COG5: variants seen among roughly 807,000 people sequenced by gnomAD.
COG5 encodes the protein conserved oligomeric Golgi complex subunit 5.
Under a neutral mutation model 110.4 loss-of-function variants are expected in COG5, and 86 were observed. The observed-to-expected ratio is 0.78, with a 90% CI of 0.65 to 0.93. The LOEUF is 0.93. Among genes scored for constraint, COG5 ranks in the 40% least tolerant of loss-of-function variants. COG5 has a pLI of 0.00. For synonymous variants in COG5, 360 were observed against 334.6 expected, an observed-to-expected ratio of 1.08 and a Z score of -0.83; for missense variants, 1,077 against 987.0, an observed-to-expected ratio of 1.09 and a Z score of -1.22.
At chr7:107,480,670 A>C (rs1175029179) in intron 6 of COG5, among the ~76,000 whole-genome samples, 1 of 152,134 alleles carries the variant, frequency 6.6e-6, no homozygotes, top group East Asian at 1.9e-4. Context: ...CGAAAAAGCA[A>C]AAGACACCCC....
At chr7:107,534,761 G>A (rs566862001) in intron 5 of COG5, among the ~76,000 whole-genome samples, 22 of 151,446 alleles carry the variant, frequency 1.5e-4, no homozygotes, top group Admixed American at 2.6e-4. Context: ...TCAGATCAAC[G>A]AAACAGAAAA....
chr7:107,535,125 A>G (rs1177883452), intron 5 of COG5, among the ~76,000 whole-genome samples: 1 of 151,644 alleles, frequency 6.6e-6, no homozygotes, highest in Non-Finnish European at 1.5e-5. Flanking sequence ...AACCAATGAG[A>G]ACAAAGACAC....
intron 5 of COG5, among the ~76,000 whole-genome samples, chr7:107,541,823 C>T (rs1802061601): frequency 6.6e-6 from 1 of 150,746 alleles, no homozygotes; most frequent in Non-Finnish European, 1.5e-5. Flanking sequence ...CCCAGCTACT[C>T]AGGAGGCTGA....
intron 14 of COG5, among the ~76,000 whole-genome samples, chr7:107,272,595 T>C (rs1804368141): frequency 6.6e-6 from 1 of 152,218 alleles, no homozygotes; most frequent in South Asian, 2.1e-4. Context: ...ATTTTTGTTT[T>C]CATAAAACTT....
chr7:107,489,027 GAA>G, intron 6 of COG5, among the ~76,000 whole-genome samples: 1 of 152,158 alleles, frequency 6.6e-6, no homozygotes, highest in East Asian at 1.9e-4. Context: ...AATGTTCCTT[GAA>G]AAAGTTTTTC....
intron 6 of COG5, among the ~76,000 whole-genome samples, chr7:107,419,890 G>A (rs1793156673): frequency 6.6e-6 from 1 of 152,052 alleles, no homozygotes. Flanking sequence ...TTTTAAATGG[G>A]AAGATAACCA....
At chr7:107,274,290 C>T (rs949690125) in intron 14 of COG5, among the ~76,000 whole-genome samples, 2 of 152,032 alleles carry the variant, frequency 1.3e-5, no homozygotes, top group Non-Finnish European at 1.5e-5. Flanking sequence ...GGCAACATAG[C>T]GAAACCCTGT....
rs1284037163 is a variant in COG5, at chr7:107,409,518, T to C, written c.669+2984A>G. 3.3e-5 allele frequency among the ~76,000 whole-genome samples: 5 copies of C among 151,840 alleles called. No homozygotes were observed. The East Asian group carries it at 7.7e-4, about 23-fold the overall frequency. ...AGTAAGAGCAGCTTATTCTTCCAAA[T>C]AGTTTGAAGTAAACAGACTAGGAAA... On this transcript the variant is annotated intron_variant, in intron 7 of 21. Coordinates refer to ENST00000297135, the MANE Select transcript of COG5 (RefSeq NM_006348.5).
chr7:107,499,112 G>A (rs952087784), intron 6 of COG5, among the ~76,000 whole-genome samples: 1 of 152,104 alleles, frequency 6.6e-6, no homozygotes, highest in African/African-American at 2.4e-5. Flanking sequence ...GCATGGAAGC[G>A]AATAATGGAA....
intron 10 of COG5, among the ~76,000 whole-genome samples, chr7:107,359,766 G>C (rs985071090): frequency 1.3e-5 from 2 of 151,170 alleles, no homozygotes; most frequent in Non-Finnish European, 3.0e-5. Flanking sequence ...ACAAACAACG[G>C]GATGACCTGC....
chr7:107,269,967 G>C (rs946658574), intron 14 of COG5, among the ~76,000 whole-genome samples: 1 of 152,168 alleles, frequency 6.6e-6, no homozygotes, highest in Admixed American at 6.5e-5. Flanking sequence ...GTATTCAAGA[G>C]TCCACGCTTA....
chr7:107,209,984 G>A, intron 21 of COG5: 2 of 991,266 alleles, frequency 2.0e-6, no homozygotes, highest in Non-Finnish European at 2.4e-6. Flanking sequence ...CCCTGGGCAT[G>A]GTTGGGGTAC....
chr7:107,266,764 T>C lies in COG5; in HGVS notation c.1576-8381A>G, dbSNP rs183277559. Among the ~76,000 whole-genome samples the C allele has an allele frequency of 3.4e-4, 52 of 152,324 alleles. 1 individual carries two copies. In the East Asian group the frequency reaches 9.1e-3, roughly 27 times the overall value. Reference sequence around the variant, plus strand: ...ATGTTAAAGCCGGGAGACTTTCCTATGAGTTATGTGTGTGTGCTTTAGTAT... The same window carrying C: ...ATGTTAAAGCCGGGAGACTTTCCTACGAGTTATGTGTGTGTGCTTTAGTAT... On this transcript the variant is annotated intron_variant, in intron 14 of 21. Coordinates refer to ENST00000297135, the MANE Select transcript of COG5 (RefSeq NM_006348.5).
chr7:107,209,325 G>C, intron 21 of COG5: 1 of 605,140 alleles, frequency 1.7e-6, no homozygotes, highest in Non-Finnish European at 2.1e-6. Context: ...TTAGGTGATT[G>C]TGACCTCCCA....
At chr7:107,407,328 G>A (rs1158809627) in intron 7 of COG5, among the ~76,000 whole-genome samples, 3 of 152,170 alleles carry the variant, frequency 2.0e-5, no homozygotes, top group Non-Finnish European at 4.4e-5. Flanking sequence ...GTTTCAGTGA[G>A]CCGAGATCGT....
intron 6 of COG5, among the ~76,000 whole-genome samples, chr7:107,415,342 G>GA (rs1792643270): frequency 1.3e-5 from 2 of 152,112 alleles, no homozygotes; most frequent in South Asian, 4.1e-4. Context: ...ATAATTAGCT[G>GA]AAAAAGACTG....
Position 107,540,588 on chromosome 7 carries a change from TA to T in COG5, c.417+7522del, listed in dbSNP as rs1466587351. Among the ~76,000 whole-genome samples the T allele has an allele frequency of 7.8e-5, 11 of 140,678 alleles. No individual in the cohort carries two copies. In the East Asian group the frequency reaches 2.0e-3, roughly 26 times the overall value. 92.3% of individuals were successfully genotyped at this position (140,678 alleles called of 152,430 possible). ...GCAAGGCCCTGTCTCAAAAAATAAA[TA>T]AATAAATAAAAATTAAAATTAAATA... On this transcript the variant is annotated intron_variant, in intron 5 of 21. Coordinates refer to ENST00000297135, the MANE Select transcript of COG5 (RefSeq NM_006348.5).
At chr7:107,383,797 T>A (rs1815334517) in intron 7 of COG5, among the ~76,000 whole-genome samples, 1 of 152,178 alleles carries the variant, frequency 6.6e-6, no homozygotes, top group Non-Finnish European at 1.5e-5. Context: ...CCTTCTTTTT[T>A]CTTTCTTCTC....
intron 6 of COG5, among the ~76,000 whole-genome samples, chr7:107,478,824 T>G (rs1797142796): frequency 6.6e-6 from 1 of 152,080 alleles, no homozygotes; most frequent in East Asian, 1.9e-4. Flanking sequence ...AAATTAGACT[T>G]AAGGGTCAAA....
Sources: gnomAD v4.1 joint callset for allele counts (sites outside exome capture counted in the v4.1 genomes callset) on GRCh38, gnomAD v4.1.1 for gene constraint, MANE v1.5 for transcripts, NCBI Gene and HGNC (gene_info 2026-07-23, HGNC 2026-07-21) for gene names.